Variants in ATP9B observed in about 807,000 individuals in gnomAD.
ATP9B encodes the protein probable phospholipid-transporting ATPase IIB.
In ATP9B, 110 loss-of-function variants were observed where a neutral mutation model predicts 146.1. That is an observed-to-expected ratio of 0.75 (90% confidence interval 0.65 to 0.88). The LOEUF is 0.88. ATP9B is among the 40% of genes least tolerant of loss of function. The pLI, the probability that ATP9B is intolerant of heterozygous loss-of-function variation, is 0.00. For missense variants in ATP9B, 1,499 were observed against 1,496.4 expected, an observed-to-expected ratio of 1.00 and a Z score of -0.03; for synonymous variants, 604 against 569.7, an observed-to-expected ratio of 1.06 and a Z score of -0.86.
chr18:79,159,851 C>T (rs2094851727), intron 7 of ATP9B, among the ~76,000 whole-genome samples: 1 of 152,186 alleles, frequency 6.6e-6, no homozygotes, highest in Non-Finnish European at 1.5e-5. Context: ...CTAAGCACAC[C>T]TACATTTGTG....
chr18:79,153,653 CT>C (rs10618228), intron 6 of ATP9B, among the ~76,000 whole-genome samples: 1,944 of 142,986 alleles, frequency 0.014, 19 homozygotes, highest in Non-Finnish European at 0.02. Context: ...AGACATAAAG[CT>C]TTTTTTTTTT....
In ATP9B at chr18:79,218,927, A is replaced by G. The variant is rs1017280314; in HGVS notation, c.1107+4889A>G. Among the ~76,000 whole-genome samples the G allele has an allele frequency of 1.6e-4, 25 of 152,236 alleles. 1 individual carries two copies. Among genetic ancestry groups the G allele is most frequent in the African/African-American group, 5.8e-4 (24 of 41,458 alleles). On this transcript the variant is annotated intron_variant, in intron 11 of 29. Coordinates refer to ENST00000426216, the MANE Select transcript of ATP9B (RefSeq NM_198531.5). ...ACTTCATGAGCAGCAACAGCCACGA[A>G]CAAGATTTCCCAGGGCTTTTACACA... is the stretch of plus-strand genomic sequence containing the variant.
intron 3 of ATP9B, 75 bp downstream of exon 3, chr18:79,110,580 G>T (rs2075942009): frequency 1.4e-6 from 2 of 1,410,794 alleles, no homozygotes; most frequent in Non-Finnish European, 1.9e-6. Context: ...GATGGAGCCT[G>T]TTGAGACTCT....
chr18:79,106,150 T>C (rs2075636379), intron 2 of ATP9B, among the ~76,000 whole-genome samples: 1 of 152,158 alleles, frequency 6.6e-6, no homozygotes, highest in Non-Finnish European at 1.5e-5. Context: ...CTGGACTTGA[T>C]GATGTAAGGC....
chr18:79,094,525 C>G (rs1478082631), intron 1 of ATP9B, among the ~76,000 whole-genome samples: 1 of 152,176 alleles, frequency 6.6e-6, no homozygotes, highest in Non-Finnish European at 1.5e-5. Flanking sequence ...ACTCCAGGAG[C>G]CCATCTTCCT....
intron 2 of ATP9B, among the ~76,000 whole-genome samples, chr18:79,098,141 G>A (rs2074962618): frequency 6.6e-6 from 1 of 151,720 alleles, no homozygotes; most frequent in Admixed American, 6.6e-5. Context: ...AATGGGGAAA[G>A]GATTCCCTAT....
At chr18:79,241,355 A>G (rs2095886670) in intron 11 of ATP9B, among the ~76,000 whole-genome samples, 1 of 151,320 alleles carries the variant, frequency 6.6e-6, no homozygotes, top group African/African-American at 2.4e-5. Context: ...ACATTTGAGC[A>G]GGAAGTCTTG....
At chr18:79,289,202 C>G (rs1436210810) in intron 13 of ATP9B, among the ~76,000 whole-genome samples, 1 of 152,200 alleles carries the variant, frequency 6.6e-6, no homozygotes, top group East Asian at 1.9e-4. Context: ...TAATATCCTG[C>G]AGAATGTTTT....
Position 79,094,164 on chromosome 18 carries a change from G to A in ATP9B, c.120-2312G>A, listed in dbSNP as rs140726315. 5.9e-3 allele frequency among the ~76,000 whole-genome samples: 896 copies of A among 152,184 alleles called. 5 individuals carry two copies. Among genetic ancestry groups the A allele is most frequent in the African/African-American group, 0.021 (863 of 41,460 alleles). On this transcript the variant is annotated intron_variant, in intron 1 of 29. Coordinates refer to ENST00000426216, the MANE Select transcript of ATP9B (RefSeq NM_198531.5). ...GCCTTGGCTGTGCCATCTGCTCCCC[G>A]CCAGTGCTTGTCAGGGCCTGTTGTG...
chr18:79,373,865 G>A (rs773866764), intron 27 of ATP9B, 33 bp from the exon 28 acceptor site: 19 of 1,609,918 alleles, frequency 1.2e-5, no homozygotes, highest in South Asian at 2.2e-5. Flanking sequence ...CACCCTGCTC[G>A]TGTGCATGGA....
At position 79,327,788 on chromosome 18, in the gene ATP9B, T is replaced by C. The variant is rs1208805255; in HGVS notation, c.1774-1353T>C. On this transcript the variant is annotated intron_variant, in intron 15 of 29. Transcript: ENST00000426216. ...TCTGTGGTTAACGTGCTCTCCGTGG[T>C]TAGCGTGCTCTCCGTGGTTAGCGTG... Among the ~76,000 whole-genome samples the C allele has an allele frequency of 7.2e-5, 9 of 124,534 alleles. 2 individuals carry two copies. Among genetic ancestry groups the C allele is most frequent in the African/African-American group, 2.8e-4 (9 of 32,470 alleles). The allele number at this position is 124,534 out of a possible 152,430, so 81.7% of individuals were successfully genotyped here. A position where few individuals can be genotyped will look rare whatever the true frequency, so the allele number is the denominator to read the frequency against.
At chr18:79,268,260 A>C (rs2096223568) in intron 12 of ATP9B, among the ~76,000 whole-genome samples, 1 of 152,096 alleles carries the variant, frequency 6.6e-6, no homozygotes, top group African/African-American at 2.4e-5. Flanking sequence ...ATTAGCGTAC[A>C]TCTTGTATTA....
At chr18:79,316,175 A>G (rs1257985884) in intron 15 of ATP9B, among the ~76,000 whole-genome samples, 1 of 152,196 alleles carries the variant, frequency 6.6e-6, no homozygotes, top group Non-Finnish European at 1.5e-5. Context: ...TCAAGTGATG[A>G]CATCGGAAAC....
At position 79,143,575 on chromosome 18, in the gene ATP9B, C is replaced by T. The variant is rs142111556; in HGVS notation, c.668-227C>T. Among the ~76,000 whole-genome samples the T allele has an allele frequency of 4.5e-3, 678 of 152,162 alleles. 7 individuals carry two copies. Among genetic ancestry groups the T allele is most frequent in the African/African-American group, 0.016 (653 of 41,498 alleles). On this transcript the variant is annotated intron_variant, in intron 5 of 29. Transcript: ENST00000426216. Reference sequence around the variant, plus strand: ...AGTGTAGTCCCCTTTTAAATTACTACGAAGAAATTCTCCCTCTGTTTTTAT... The same window carrying T: ...AGTGTAGTCCCCTTTTAAATTACTATGAAGAAATTCTCCCTCTGTTTTTAT...
rs1057243076 is a variant in ATP9B, at chr18:79,329,874, A to G, written c.1936-138A>G. Reference sequence around the variant, plus strand: ...AGTGGGCCTAGCCCTCCGCGTAGAAACACGTGTGAGGAGCTTAACACACAG... The same window carrying G: ...AGTGGGCCTAGCCCTCCGCGTAGAAGCACGTGTGAGGAGCTTAACACACAG... On this transcript the variant is annotated intron_variant, in intron 16 of 29. Transcript: ENST00000426216. 5 of 729,798 alleles carry G rather than the reference A, an allele frequency of 6.9e-6. No homozygotes were observed. The African/African-American group carries it at 8.7e-5, about 13-fold the overall frequency. 45.2% of individuals were successfully genotyped at this position (729,798 alleles called of 1,614,324 possible). A position where few individuals can be genotyped will look rare whatever the true frequency, so the allele number is the denominator to read the frequency against.
intron 4 of ATP9B, among the ~76,000 whole-genome samples, chr18:79,114,685 T>G (rs555815): frequency 0.14 from 20,859 of 152,206 alleles, 1,529 homozygotes; most frequent in East Asian, 0.2. Context: ...GAATACATTT[T>G]TAACTTATTA....
At chr18:79,192,879 C>G (rs1399504724) in intron 8 of ATP9B, among the ~76,000 whole-genome samples, 1 of 152,130 alleles carries the variant, frequency 6.6e-6, no homozygotes, top group Admixed American at 6.5e-5. Context: ...CAAGATACTC[C>G]TAAACAGGCT....
At chr18:79,356,375 C>T (rs1437433305) in intron 25 of ATP9B, among the ~76,000 whole-genome samples, 1 of 152,164 alleles carries the variant, frequency 6.6e-6, no homozygotes, top group East Asian at 1.9e-4. Flanking sequence ...GCGTTTATAC[C>T]ATCTCACTCG....
chr18:79,253,550 A>T lies in ATP9B; in HGVS notation c.1268+9A>T. On this transcript the variant is annotated intron_variant, in intron 12 of 29. Transcript: ENST00000426216. ...TACATCATTCCCATAAGGTAAGTTT[A>T]AAAATGAAAATAAAACAAATGTCTG... The T allele has an allele frequency of 6.4e-7, 1 of 1,567,760 alleles. No individual in the cohort carries two copies. The highest frequency in any genetic ancestry group is 8.6e-7 in the Non-Finnish European group (1 of 1,163,978).
Sources: gnomAD v4.1 joint callset for allele counts (sites outside exome capture counted in the v4.1 genomes callset) on GRCh38, gnomAD v4.1.1 for gene constraint, MANE v1.5 for transcripts, NCBI Gene and HGNC (gene_info 2026-07-23, HGNC 2026-07-21) for gene names.